NUP133: variants seen among roughly 807,000 people sequenced by gnomAD.
The protein encoded by NUP133 is nuclear pore complex protein Nup133.
In NUP133, 66 loss-of-function variants were observed where a neutral mutation model predicts 146.2. That is an observed-to-expected ratio of 0.45 (90% CI 0.37 to 0.55). NUP133 has a LOEUF of 0.55. Ranked by LOEUF, NUP133 falls within the 20% of genes least tolerant of loss-of-function variation. NUP133 has a pLI of 0.00. For missense variants in NUP133, 1,277 were observed against 1,374.8 expected, an observed-to-expected ratio of 0.93 and a Z score of 1.12; for synonymous variants, 521 against 498.8, an observed-to-expected ratio of 1.04 and a Z score of -0.59.
At position 229,448,967 on chromosome 1, in the gene NUP133, TG is replaced by T. The variant is rs1191267858; in HGVS notation, c.3245+158del. On this transcript the variant is annotated intron_variant, in intron 24 of 25. Transcript: ENST00000261396. Reference sequence around the variant, plus strand: ...TGAACTAAATTAAAGGACATTCAGCTGGTGCCCACCAACAGAACTCACTGGT... The same window carrying T: ...TGAACTAAATTAAAGGACATTCAGCTGTGCCCACCAACAGAACTCACTGGT... 485 of 641,198 alleles carry T rather than the reference TG, an allele frequency of 7.6e-4. 8 individuals carry two copies. The East Asian group carries it at 0.013, about 17-fold the overall frequency. 39.7% of individuals were successfully genotyped at this position (641,198 alleles called of 1,614,324 possible).
chr1:229,458,386 C>T, intron 20 of NUP133, 90 bp from the exon 21 acceptor site: 1 of 1,311,284 alleles, frequency 7.6e-7, no homozygotes, highest in Non-Finnish European at 1.1e-6. Context: ...GTTTTTCTCC[C>T]CTAAGCCGTA....
At chr1:229,456,416 T>C (rs763001112) in intron 21 of NUP133, among the ~76,000 whole-genome samples, 2 of 152,228 alleles carry the variant, frequency 1.3e-5, no homozygotes, top group Non-Finnish European at 2.9e-5. Flanking sequence ...AAAATCACTG[T>C]AGACTCATGA....
intron 9 of NUP133, 67 bp downstream of exon 9, chr1:229,489,888 A>G: frequency 7.3e-7 from 1 of 1,379,126 alleles, no homozygotes; most frequent in East Asian, 2.5e-5. Flanking sequence ...AATAAATAAG[A>G]CCCTGAAATG....
At chr1:229,479,151 T>C (rs1350679201) in intron 12 of NUP133, among the ~76,000 whole-genome samples, 1 of 152,160 alleles carries the variant, frequency 6.6e-6, no homozygotes, top group African/African-American at 2.4e-5. Context: ...AGGGGATTAG[T>C]TACAGGACCC....
intron 14 of NUP133, among the ~76,000 whole-genome samples, chr1:229,471,386 G>A (rs2102763108): frequency 6.6e-6 from 1 of 152,234 alleles, no homozygotes; most frequent in East Asian, 1.9e-4. Context: ...CAAAGCACTG[G>A]AATTACAGGT....
At chr1:229,473,314 A>G (rs1249061789) in intron 14 of NUP133, among the ~76,000 whole-genome samples, 1 of 152,204 alleles carries the variant, frequency 6.6e-6, no homozygotes, top group African/African-American at 2.4e-5. Context: ...AATTATCAAC[A>G]TAAATTCTTC....
chr1:229,486,091 G>A (rs1661340070), intron 11 of NUP133, among the ~76,000 whole-genome samples: 1 of 152,114 alleles, frequency 6.6e-6, no homozygotes, highest in African/African-American at 2.4e-5. Flanking sequence ...GATCCCGGGA[G>A]GTTGAGGTGA....
Position 229,500,789 on chromosome 1 carries a change from G to GT in NUP133, c.479dup (p.Tyr160Ter). Residue 160 changes from tyrosine to a stop codon, truncating the protein, a stop_gained and frameshift_variant, in exon 4 of 26, where the codon TAC (tyrosine) becomes TAAC (stop). Transcript: ENST00000261396. LOFTEE classifies it high-confidence loss of function. ...AATGTGCTTCACCTGAGGGAGAAGAGTAAGAAAGAGCCACTAAGTCGGCAC... is the reference window on the plus strand; with the variant it reads ...AATGTGCTTCACCTGAGGGAGAAGAGTTAAGAAAGAGCCACTAAGTCGGCAC... The part of the protein sequence containing the change: ...HWSADLVALS[Y>*]SSPSGEAHST... 1 of 1,613,102 alleles carries GT rather than the reference G, an allele frequency of 6.2e-7. No homozygotes were observed. The highest frequency in any genetic ancestry group is 8.5e-7 in the Non-Finnish European group (1 of 1,179,364).
intron 12 of NUP133, among the ~76,000 whole-genome samples, chr1:229,483,434 T>C (rs1040902799): frequency 2.0e-5 from 3 of 151,998 alleles, no homozygotes; most frequent in Admixed American, 6.5e-5. Flanking sequence ...AAACTTTGCA[T>C]GCGGCTGGAA....
chr1:229,466,560 A>G lies in NUP133; in HGVS notation c.2199+74T>C, dbSNP rs1660831993. The G allele has an allele frequency of 8.5e-6, 13 of 1,523,394 alleles. No individual in the cohort carries two copies. In the South Asian group the frequency reaches 1.5e-4, roughly 17 times the overall value. The allele number at this position is 1,523,394 out of a possible 1,614,324, so 94.4% of individuals were successfully genotyped here. On this transcript the variant is annotated intron_variant, in intron 16 of 25. Transcript: ENST00000261396. ...TACATTATCGGCAATACAGAGTAGG[A>G]ACATGGAAACCAGTTCCTTGTCTAT...
chr1:229,492,296 G>A (rs1661544221), intron 8 of NUP133, among the ~76,000 whole-genome samples: 1 of 151,914 alleles, frequency 6.6e-6, no homozygotes, highest in African/African-American at 2.4e-5. Flanking sequence ...TAGTAGAGAT[G>A]GGGTTTTTCC....
chr1:229,486,229 G>A, intron 11 of NUP133, 142 bp downstream of exon 11: 1 of 691,456 alleles, frequency 1.4e-6, no homozygotes. Context: ...GTCTGAGGCA[G>A]GAGGATTGCT....
Position 229,508,206 on chromosome 1 carries a change from G to A in NUP133, c.44C>T (p.Ser15Phe). ...GAGTCCGGCCAGCGGGCCCCTTCGG[G>A]ACCCGGTACCCGGGGTCCGCGGAGA... ...APSPRTPGTGSRRGPLAGLGP... is the reference protein window; with the variant it reads ...APSPRTPGTGFRRGPLAGLGP... Residue 15 changes from serine (S) to phenylalanine (F), a missense_variant, in exon 1 of 26, where the codon TCC (serine) becomes TTC (phenylalanine). This residue lies in a region of NUP133 where 319 missense variants were observed against 306.9 expected (regional missense o/e 1.04). Transcript: ENST00000261396. 2.6e-6 allele frequency: 4 copies of A among 1,562,450 alleles called. No individual in the cohort carries two copies. The highest frequency in any genetic ancestry group is 3.5e-6 in the Non-Finnish European group (4 of 1,156,894).
At chr1:229,480,334 G>A (rs12739638) in intron 12 of NUP133, among the ~76,000 whole-genome samples, 6 of 152,122 alleles carry the variant, frequency 3.9e-5, no homozygotes, top group Non-Finnish European at 8.8e-5. Flanking sequence ...AAAAACTCTT[G>A]AAAGCGTGAA....
At chr1:229,495,402 C>G in intron 8 of NUP133, 93 bp downstream of exon 8, 1 of 837,336 alleles carries the variant, frequency 1.2e-6, no homozygotes, top group Non-Finnish European at 2.0e-6. Flanking sequence ...AAAGAAAGAG[C>G]ACATAGTGAG....
chr1:229,453,592 G>A (rs1444084458), intron 21 of NUP133, among the ~76,000 whole-genome samples: 4 of 152,222 alleles, frequency 2.6e-5, no homozygotes, highest in African/African-American at 9.6e-5. Flanking sequence ...GAGATGATCA[G>A]AATCATTTTA....
intron 24 of NUP133, among the ~76,000 whole-genome samples, chr1:229,446,352 C>T (rs1009034376): frequency 2.6e-5 from 4 of 151,460 alleles, no homozygotes; most frequent in African/African-American, 7.3e-5. Context: ...GAGGTTGCGG[C>T]GAGCCGAGAT....
At position 229,465,560 on chromosome 1, in the gene NUP133, T is replaced by C. The variant is rs538439472; in HGVS notation, c.2200-41A>G. 15 of 1,355,394 alleles carry C rather than the reference T, an allele frequency of 1.1e-5. No homozygotes were observed. In the East Asian group the frequency reaches 2.5e-4, roughly 23 times the overall value. The allele number at this position is 1,355,394 out of a possible 1,614,324, so 84.0% of individuals were successfully genotyped here. On this transcript the variant is annotated intron_variant, in intron 16 of 25. Coordinates refer to ENST00000261396, the MANE Select transcript of NUP133 (RefSeq NM_018230.3). Reference sequence around the variant, plus strand: ...ATGTGTTATCACATGCAAAAGGTGATGGATCACAGTATTTCTGAAGATAAT... The same window carrying C: ...ATGTGTTATCACATGCAAAAGGTGACGGATCACAGTATTTCTGAAGATAAT...
chr1:229,471,516 AT>A (rs1388830351), intron 14 of NUP133, among the ~76,000 whole-genome samples: 1 of 152,192 alleles, frequency 6.6e-6, no homozygotes, highest in Non-Finnish European at 1.5e-5. Flanking sequence ...ACTGATTTCC[AT>A]ACCCCTAATG....
Sources: allele counts gnomAD v4.1 joint callset (sites outside exome capture counted in the v4.1 genomes callset), GRCh38; gene constraint gnomAD v4.1.1; regional missense constraint gnomAD v4.1.1; transcripts MANE v1.5; gene names NCBI Gene and HGNC (gene_info 2026-07-23, HGNC 2026-07-21).